Variants in ANKRD36 observed in about 807,000 individuals in gnomAD.
ANKRD36 encodes the protein ankyrin repeat domain-containing protein 36A.
Under a neutral mutation model 278.1 loss-of-function variants are expected in ANKRD36, and 179 were observed. The ratio of observed to expected loss-of-function variants is 0.64; its 90% CI spans 0.57 to 0.73. The LOEUF is 0.73. ANKRD36 is among the 30% of genes least tolerant of loss of function. ANKRD36 has a pLI of 0.00. For missense variants in ANKRD36, 1,159 were observed against 1,956.7 expected (o/e 0.59, Z 7.69); for synonymous variants, 320 against 641.1 (o/e 0.50, Z 7.57).
intron 46 of ANKRD36, among the ~76,000 whole-genome samples, chr2:97,201,758 A>G (rs1490844172): frequency 2.0e-5 from 3 of 151,904 alleles, no homozygotes; most frequent in Non-Finnish European, 4.4e-5. Context: ...CTTCTCAGTT[A>G]TTGGGCATGT....
rs546422318 is a variant in ANKRD36 at position 97,230,022 on chromosome 2, G to T, written c.3952-3708G>T. On this transcript the variant is annotated intron_variant, in intron 67 of 75. Transcript: ENST00000420699. ...CGAGAGATCCACTGTTAGTCTGATG[G>T]GCTTCCCTTTGTGGGCAACCTGACC... is the stretch of plus-strand genomic sequence containing the variant. Among the ~76,000 whole-genome samples the T allele has an allele frequency of 6.8e-4, 104 of 152,192 alleles. 3 individuals carry two copies. The South Asian group carries it at 0.02, about 30-fold the overall frequency.
chr2:97,261,073 T>C (rs1490782513), intron 75 of ANKRD36, among the ~76,000 whole-genome samples: 5 of 125,826 alleles, frequency 4.0e-5, no homozygotes, highest in Admixed American at 1.7e-4. Context: ...ACATCAGCAA[T>C]AATACCATTG....
intron 3 of ANKRD36, among the ~76,000 whole-genome samples, chr2:97,121,645 C>T (rs2036881743): frequency 1.3e-5 from 2 of 151,798 alleles, no homozygotes; most frequent in South Asian, 2.1e-4. Flanking sequence ...GACTCCATCC[C>T]AAATAAATAA....
rs1281843499 is a variant in ANKRD36, at chr2:97,208,578, A to G, written c.3265+572A>G. ...CATTTGGAATATTTTCATAAAAAAT[A>G]TTTGCTTTTAGCTGCTCCAGGAACT... On this transcript the variant is annotated intron_variant, in intron 54 of 75. Coordinates refer to ENST00000420699, the MANE Select transcript of ANKRD36 (RefSeq NM_001354587.1). Among the ~76,000 whole-genome samples the G allele has an allele frequency of 1.4e-5, 2 of 146,174 alleles. 1 individual carries two copies. Among genetic ancestry groups the G allele is most frequent in the Non-Finnish European group, 3.0e-5 (2 of 67,102 alleles).
intron 58 of ANKRD36, chr2:97,212,968 T>G (rs1398154572): frequency 3.1e-6 from 1 of 324,880 alleles, no homozygotes; most frequent in Non-Finnish European, 5.7e-6. Flanking sequence ...ATTGTGTGCC[T>G]TCTCAGTTAT....
At chr2:97,197,931 C>A (rs560931955) in intron 42 of ANKRD36, among the ~76,000 whole-genome samples, 1 of 151,956 alleles carries the variant, frequency 6.6e-6, no homozygotes, top group Admixed American at 6.6e-5. Flanking sequence ...AAACATATAT[C>A]CAAGGTGATC....
chr2:97,183,993 A>C (rs2056854665), intron 28 of ANKRD36, among the ~76,000 whole-genome samples: 1 of 151,594 alleles, frequency 6.6e-6, no homozygotes, highest in Non-Finnish European at 1.5e-5. Flanking sequence ...AGTAACAGAA[A>C]TTATAGATGT....
chr2:97,113,532 C>G lies in ANKRD36; in HGVS notation c.-208C>G, dbSNP rs2034154817. ...AGCTGCTAGGGCGGTTTCTCTGCCT[C>G]GGGCCTGTTGGGCAGGGCCGGCTAA... On this transcript the variant is annotated 5_prime_UTR_variant, in exon 1 of 76. Transcript: ENST00000420699. The G allele has an allele frequency of 3.2e-6, 2 of 617,520 alleles. No homozygotes were observed. Among genetic ancestry groups the G allele is most frequent in the Admixed American group, 6.3e-5 (2 of 31,954 alleles). 38.3% of individuals were successfully genotyped at this position (617,520 alleles called of 1,614,324 possible). A position where few individuals can be genotyped will look rare whatever the true frequency, so the allele number is the denominator to read the frequency against.
chr2:97,242,379 A>G (rs1174782300), intron 69 of ANKRD36, among the ~76,000 whole-genome samples: 1 of 151,884 alleles, frequency 6.6e-6, no homozygotes, highest in African/African-American at 2.4e-5. Context: ...AGCTTATTCA[A>G]CATCTCTCTG....
intron 15 of ANKRD36, among the ~76,000 whole-genome samples, chr2:97,157,308 A>T (rs1464356361): frequency 6.6e-6 from 1 of 150,968 alleles, no homozygotes; most frequent in Admixed American, 6.6e-5. Context: ...GGCATATATT[A>T]TGAACACAAG....
chr2:97,142,983 C>T (rs531574163), intron 8 of ANKRD36, 148 bp downstream of exon 8: 14 of 1,107,632 alleles, frequency 1.3e-5, no homozygotes, highest in South Asian at 1.0e-4. Flanking sequence ...TCTCGGGTGA[C>T]GCCGATGCTA....
At chr2:97,177,714 C>A (rs1425806973) in intron 22 of ANKRD36, among the ~76,000 whole-genome samples, 2 of 151,542 alleles carry the variant, frequency 1.3e-5, no homozygotes, top group East Asian at 3.9e-4. Flanking sequence ...GACCTAAAAC[C>A]ATAAAAACCC....
At chr2:97,191,074 T>A (rs763947176) in intron 35 of ANKRD36, 35 bp from the exon 36 acceptor site, 2 of 1,590,492 alleles carry the variant, frequency 1.3e-6, no homozygotes, top group Non-Finnish European at 1.7e-6. Context: ...TTCATTGATT[T>A]ATTTATTTAT....
chr2:97,141,466 A>T (rs552053579), intron 6 of ANKRD36, among the ~76,000 whole-genome samples: 1 of 135,788 alleles, frequency 7.4e-6, no homozygotes, highest in South Asian at 2.5e-4. Flanking sequence ...ATGATTTTTT[A>T]AATTATGACT....
intron 69 of ANKRD36, among the ~76,000 whole-genome samples, chr2:97,242,310 T>C (rs1251419057): frequency 6.6e-6 from 1 of 151,478 alleles, no homozygotes. Flanking sequence ...AAAAAATGTA[T>C]CCAGTTTTAT....
intron 15 of ANKRD36, among the ~76,000 whole-genome samples, chr2:97,155,605 A>C (rs1384075471): frequency 2.0e-5 from 3 of 146,412 alleles, no homozygotes; most frequent in African/African-American, 7.3e-5. Flanking sequence ...AACCTGTTTG[A>C]TAAGCAGAGA....
intron 6 of ANKRD36, among the ~76,000 whole-genome samples, chr2:97,133,364 T>G (rs1441964080): frequency 6.6e-6 from 1 of 152,082 alleles, no homozygotes; most frequent in Admixed American, 6.6e-5. Flanking sequence ...CAGGTCTCTA[T>G]ACAGAAGTTA....
intron 48 of ANKRD36, among the ~76,000 whole-genome samples, chr2:97,203,230 C>CA (rs1213038791): frequency 6.6e-6 from 1 of 151,774 alleles, no homozygotes; most frequent in African/African-American, 2.4e-5. Flanking sequence ...ATTTTAGAAA[C>CA]AAAAATTATG....
At chr2:97,172,869 A>AT (rs1321973332) in intron 22 of ANKRD36, among the ~76,000 whole-genome samples, 7 of 145,866 alleles carry the variant, frequency 4.8e-5, no homozygotes, top group African/African-American at 1.8e-4. Context: ...ATGTGTGTGT[A>AT]TTTTTTTCTC....
Sources: gnomAD v4.1 joint callset for allele counts (sites outside exome capture counted in the v4.1 genomes callset) on GRCh38, gnomAD v4.1.1 for gene constraint, MANE v1.5 for transcripts, NCBI Gene and HGNC (gene_info 2026-07-23, HGNC 2026-07-21) for gene names.